The following TOM1 variants were observed in gnomAD, a reference collection of about 807,000 sequenced individuals.
TOM1 encodes target of myb1 membrane trafficking protein, also known as target of Myb protein 1.
Under a neutral mutation model 61.3 loss-of-function variants are expected in TOM1, and 38 were observed. That is an observed-to-expected ratio of 0.62 (90% CI 0.48 to 0.81). The LOEUF (loss-of-function observed/expected upper bound fraction) is 0.81, where lower values mean the gene tolerates loss of function less well. Among genes scored for constraint, TOM1 ranks in the 40% least tolerant of loss-of-function variants. The pLI is 0.00. For missense variants in TOM1, 591 were observed against 659.6 expected, an observed-to-expected ratio of 0.90 and a Z score of 1.14; for synonymous variants, 270 against 268.8, an observed-to-expected ratio of 1.00 and a Z score of -0.04.
intron 6 of TOM1, 94 bp downstream of exon 6, chr22:35,324,008 C>CTCCACTTCT: frequency 7.0e-7 from 1 of 1,438,734 alleles, no homozygotes; most frequent in Non-Finnish European, 9.3e-7. Flanking sequence ...TCCACGGAGC[C>CTCCACTTCT]TCCACTTCTT....
At position 35,346,913 on chromosome 22, in the gene TOM1, T is replaced by G; in HGVS notation, c.1285-17T>G. On this transcript the variant is annotated splice_polypyrimidine_tract_variant and intron_variant, in intron 13 of 14. Transcript: ENST00000449058. Reference sequence around the variant, plus strand: ...GGGCCCGGCTAACCTCTGCCTCCTTTCCTTCTACCTTCCCAGGGTAATGAT... The same window carrying G: ...GGGCCCGGCTAACCTCTGCCTCCTTGCCTTCTACCTTCCCAGGGTAATGAT... 6.2e-7 allele frequency: 1 copy of G among 1,612,260 alleles called. No homozygotes were observed. The highest frequency in any genetic ancestry group is 8.5e-7 in the Non-Finnish European group (1 of 1,179,362).
chr22:35,334,284 A>G (rs749657188), intron 10 of TOM1, 44 bp from the exon 11 acceptor site: 14 of 1,584,586 alleles, frequency 8.8e-6, no homozygotes, highest in Non-Finnish European at 1.1e-5. Context: ...GCTCACACAC[A>G]AGCTTGTGGA....
intron 6 of TOM1, among the ~76,000 whole-genome samples, chr22:35,324,234 T>C (rs1928111704): frequency 6.6e-6 from 1 of 152,180 alleles, no homozygotes; most frequent in Non-Finnish European, 1.5e-5. Flanking sequence ...AGAGGTGTCC[T>C]GTACGCAGCC....
At chr22:35,321,253 T>C (rs138784) in intron 2 of TOM1, among the ~76,000 whole-genome samples, 101,020 of 151,852 alleles carry the variant, frequency 0.67, 36,359 homozygotes, top group Non-Finnish European at 0.81. Flanking sequence ...TAAGAAACCC[T>C]TGGGGAGCAT....
At chr22:35,333,035 G>C in intron 9 of TOM1, 21 bp downstream of exon 9, 2 of 1,613,710 alleles carry the variant, frequency 1.2e-6, no homozygotes, top group Non-Finnish European at 1.7e-6. Context: ...TCTTTTCTGT[G>C]ACTAGATCAG....
Position 35,347,914 on chromosome 22 carries a change from G to A in TOM1, c.*705G>A, listed in dbSNP as rs2145743815. On this transcript the variant is annotated 3_prime_UTR_variant, in exon 15 of 15. Transcript: ENST00000449058. ...CCACAGCACTGGGGCTCACCTCTTG[G>A]TTGATCCTCTTGTACTGGGAGAGGT... 1 of 152,700 alleles carries A rather than the reference G, an allele frequency of 6.5e-6. No homozygotes were observed. Among genetic ancestry groups the A allele is most frequent in the South Asian group, 2.1e-4 (1 of 4,820 alleles). 9.5% of individuals were successfully genotyped at this position (152,700 alleles called of 1,614,324 possible). A position where few individuals can be genotyped will look rare whatever the true frequency, so the allele number is the denominator to read the frequency against.
At chr22:35,332,393 C>T (rs1322008875) in intron 8 of TOM1, among the ~76,000 whole-genome samples, 1 of 152,152 alleles carries the variant, frequency 6.6e-6, no homozygotes, top group Admixed American at 6.5e-5. Context: ...CAGGTGCCTA[C>T]AGATACTAGA....
chr22:35,323,243 T>C lies in TOM1; in HGVS notation c.366+66T>C. 1.3e-6 allele frequency: 2 copies of C among 1,579,932 alleles called. No homozygotes were observed. Among genetic ancestry groups the C allele is most frequent in the Non-Finnish European group, 1.7e-6 (2 of 1,165,528 alleles). On this transcript the variant is annotated intron_variant, in intron 4 of 14. Coordinates refer to ENST00000449058, the MANE Select transcript of TOM1 (RefSeq NM_005488.3). The surrounding 1 kb of genome is among the most constrained non-coding windows in gnomAD (Gnocchi z 4.2). ...GTCAGTGCAGGAGCTTCCTGCCCAG[T>C]GGAGAGTCGAGGCCATCGTGTTTGT... is the stretch of plus-strand genomic sequence containing the variant.
intron 2 of TOM1, among the ~76,000 whole-genome samples, chr22:35,319,396 C>G (rs1927578451): frequency 6.6e-6 from 1 of 152,202 alleles, no homozygotes; most frequent in Admixed American, 6.5e-5. Flanking sequence ...AGCATGGCAC[C>G]TAAACTTAGC....
chr22:35,331,950 C>T (rs997386822), intron 8 of TOM1, among the ~76,000 whole-genome samples: 8 of 152,080 alleles, frequency 5.3e-5, no homozygotes, highest in African/African-American at 1.9e-4. Context: ...GTGCCCATCA[C>T]ACCTCCTCTG....
chr22:35,333,475 C>T lies in TOM1; in HGVS notation c.1005C>T (p.Leu335=). ...CTGACCCAGCAGCCACCGGCAACCTCTCATCCCAGCTGGCAGGAATGAGTA... is the reference window on the plus strand; with the variant it reads ...CTGACCCAGCAGCCACCGGCAACCTTTCATCCCAGCTGGCAGGAATGAGTA... ...MGPDPAATGN[L]SSQLAGMNLG... The change falls in exon 10 of 15, where the codon CTC becomes CTT. Residue 335 remains leucine (L), a synonymous_variant. Transcript: ENST00000449058. The T allele has an allele frequency of 3.1e-6, 5 of 1,614,214 alleles. No homozygotes were observed. Among genetic ancestry groups the T allele is most frequent in the Non-Finnish European group, 4.2e-6 (5 of 1,180,032 alleles).
intron 6 of TOM1, among the ~76,000 whole-genome samples, chr22:35,325,360 T>G (rs1928218936): frequency 6.6e-6 from 1 of 152,234 alleles, no homozygotes; most frequent in Non-Finnish European, 1.5e-5. Flanking sequence ...TAGCAAGTTA[T>G]GAAATCACCC....
intron 11 of TOM1, among the ~76,000 whole-genome samples, chr22:35,336,072 C>G (rs1381999200): frequency 6.6e-6 from 1 of 152,174 alleles, no homozygotes. Flanking sequence ...CAGGAGGGAG[C>G]ACAGGAAGGA....
At chr22:35,340,328 G>A (rs2145716351) in intron 12 of TOM1, among the ~76,000 whole-genome samples, 1 of 152,312 alleles carries the variant, frequency 6.6e-6, no homozygotes, top group South Asian at 2.1e-4. Flanking sequence ...ATATAGCAGG[G>A]ACCAGAGGAC....
Position 35,314,180 on chromosome 22 carries a change from G to A in TOM1, c.53-3697G>A, listed in dbSNP as rs148068600. On this transcript the variant is annotated intron_variant, in intron 1 of 14. Transcript: ENST00000449058. ...CACCTGGACCTGGAGGAACCTGGAG[G>A]AACCTAGAAGGGGTTGGCAAGTGAT... Among the ~76,000 whole-genome samples, 27 of 151,852 alleles carry A rather than the reference G, an allele frequency of 1.8e-4. 1 individual carries two copies. The East Asian group carries it at 5.2e-3, about 29-fold the overall frequency.
intron 1 of TOM1, among the ~76,000 whole-genome samples, chr22:35,314,286 T>C (rs893652174): frequency 6.6e-6 from 1 of 152,106 alleles, no homozygotes. Flanking sequence ...CGATTTTGTC[T>C]CCTCCTCCTC....
intron 8 of TOM1, among the ~76,000 whole-genome samples, chr22:35,332,599 CACACACAT>C (rs60840354): frequency 0.056 from 1,826 of 32,820 alleles, 37 homozygotes; most frequent in African/African-American, 0.16. Flanking sequence ...CACACACACA[CACACACAT>C]ACACACACAC....
intron 11 of TOM1, chr22:35,336,578 A>T (rs1346648366): frequency 6.6e-6 from 1 of 152,378 alleles, no homozygotes; most frequent in African/African-American, 2.4e-5. Flanking sequence ...CGCCTCGGCT[A>T]GGCCTTCACA....
intron 1 of TOM1, among the ~76,000 whole-genome samples, chr22:35,307,931 CG>C (rs1926470335): frequency 1.3e-5 from 2 of 152,208 alleles, no homozygotes; most frequent in African/African-American, 4.8e-5. Flanking sequence ...TTTCTGTGAA[CG>C]TATGCCTTAG....
Sources: gnomAD v4.1 joint callset for allele counts (sites outside exome capture counted in the v4.1 genomes callset) on GRCh38, gnomAD v4.1.1 for gene constraint, Gnocchi (gnomAD v3.1) non-coding constraint, MANE v1.5 for transcripts, NCBI Gene and HGNC (gene_info 2026-07-23, HGNC 2026-07-21) for gene names.